ELAPOR1: variants seen among roughly 807,000 people sequenced by gnomAD.
ELAPOR1 encodes endosome/lysosome-associated apoptosis and autophagy regulator 1.
A neutral mutation model predicts 119.7 loss-of-function variants in ELAPOR1; 77 were observed. The ratio of observed to expected loss-of-function variants is 0.64; its 90% confidence interval spans 0.54 to 0.78. The LOEUF (loss-of-function observed/expected upper bound fraction) is 0.78. Among genes scored for constraint, ELAPOR1 ranks in the 30% least tolerant of loss-of-function variants. The probability of loss-of-function intolerance (pLI) is 0.00; values close to 1 mark genes in which losing one functional copy is unlikely to be tolerated. For synonymous variants in ELAPOR1, 481 were observed against 487.2 expected (o/e 0.99, Z 0.17); for missense variants, 1,115 against 1,270.4 (o/e 0.88, Z 1.86).
Position 109,199,967 on chromosome 1 carries a change from T to C in ELAPOR1, c.2615T>C (p.Val872Ala), listed in dbSNP as rs764244875. ...ADYHAIVSSC[V>A]AGIQKTTYVW... ...TACCATGCTATCGTCAGCAGCTGTG[T>C]GGCTGGGATCCAGGTGGGTTTCCCT... Residue 872 changes from valine to alanine, a missense_variant, in exon 19 of 22, where the codon GTG (valine) becomes GCG (alanine). Coordinates refer to ENST00000369939, the MANE Select transcript of ELAPOR1 (RefSeq NM_020775.5). 1 of 1,614,182 alleles carries C rather than the reference T, an allele frequency of 6.2e-7. No homozygotes were observed. Among genetic ancestry groups the C allele is most frequent in the African/African-American group, 1.3e-5 (1 of 75,062 alleles).
Position 109,124,881 on chromosome 1 carries a change from G to T in ELAPOR1, c.153+10545G>T, listed in dbSNP as rs542467429. Among the ~76,000 whole-genome samples the T allele has an allele frequency of 1.6e-4, 25 of 152,244 alleles. 1 individual carries two copies. The highest frequency in any genetic ancestry group is 6.0e-4 in the African/African-American group (25 of 41,552). ...AGGGGTTATTACTTCAGTTGAGGGA[G>T]ATTTTCTGGCTCCTCACTCTACCAC... On this transcript the variant is annotated intron_variant, in intron 1 of 21. Transcript: ENST00000369939.
intron 1 of ELAPOR1, among the ~76,000 whole-genome samples, chr1:109,147,715 G>A (rs994928443): frequency 6.6e-6 from 1 of 151,876 alleles, no homozygotes; most frequent in African/African-American, 2.4e-5. Flanking sequence ...GGGGAGATAT[G>A]GGAGATCTCC....
At chr1:109,156,608 C>G (rs547616386) in intron 1 of ELAPOR1, among the ~76,000 whole-genome samples, 1 of 152,308 alleles carries the variant, frequency 6.6e-6, no homozygotes, top group South Asian at 2.1e-4. Flanking sequence ...GCTTATTTCA[C>G]TTGGCATGAT....
intron 16 of ELAPOR1, 144 bp from the exon 17 acceptor site, chr1:109,197,835 C>A: frequency 3.0e-6 from 3 of 989,424 alleles, no homozygotes; most frequent in East Asian, 2.5e-5. Context: ...GGGACTCTGA[C>A]AAACCCTTGT....
At chr1:109,125,307 G>A (rs781158858) in intron 1 of ELAPOR1, among the ~76,000 whole-genome samples, 57 of 151,992 alleles carry the variant, frequency 3.8e-4, no homozygotes, top group Admixed American at 3.1e-3. Flanking sequence ...CTGACCTCAA[G>A]TGATCCAGCG....
intron 7 of ELAPOR1, among the ~76,000 whole-genome samples, chr1:109,183,590 T>TCCCTCCC (rs1652866889): frequency 1.8e-5 from 2 of 108,318 alleles, no homozygotes; most frequent in African/African-American, 3.8e-5. Context: ...CCTTCCTTCC[T>TCCCTCCC]TCCTTCCTTC....
chr1:109,162,685 A>T (rs1208573670), intron 2 of ELAPOR1, among the ~76,000 whole-genome samples: 1 of 152,226 alleles, frequency 6.6e-6, no homozygotes, highest in Non-Finnish European at 1.5e-5. Flanking sequence ...GTTGGAAAGG[A>T]GTTTGAAGAT....
At chr1:109,186,475 T>A (rs906029094) in intron 8 of ELAPOR1, 2 of 984,758 alleles carry the variant, frequency 2.0e-6, no homozygotes, top group Admixed American at 1.2e-4. Flanking sequence ...TAACTAAGCA[T>A]GGGTTAAAGT....
At chr1:109,175,604 A>T (rs1299979048) in intron 7 of ELAPOR1, among the ~76,000 whole-genome samples, 1 of 150,738 alleles carries the variant, frequency 6.6e-6, no homozygotes, top group Non-Finnish European at 1.5e-5. Context: ...AGGCAGGCAG[A>T]TCACTTGAGG....
chr1:109,146,800 T>C (rs1160362406), intron 1 of ELAPOR1, among the ~76,000 whole-genome samples: 1 of 152,152 alleles, frequency 6.6e-6, no homozygotes, highest in African/African-American at 2.4e-5. Flanking sequence ...AGTGCAGTGG[T>C]GCAATCATAG....
chr1:109,152,854 G>C (rs1650615331), intron 1 of ELAPOR1, among the ~76,000 whole-genome samples: 1 of 150,436 alleles, frequency 6.6e-6, no homozygotes, highest in Non-Finnish European at 1.5e-5. Context: ...GCTGAGGTGA[G>C]AGGATGGCCT....
chr1:109,138,825 A>T (rs1649649395), intron 1 of ELAPOR1, among the ~76,000 whole-genome samples: 1 of 98,418 alleles, frequency 1.0e-5, no homozygotes, highest in South Asian at 3.8e-4. Context: ...CAAGAGTGAA[A>T]CTCCATCTCA....
chr1:109,114,470 G>A, intron 1 of ELAPOR1, 134 bp downstream of exon 1: 1 of 1,039,732 alleles, frequency 9.6e-7, no homozygotes, highest in Non-Finnish European at 1.4e-6. Context: ...GGCGTGGGGG[G>A]AGGGAAGAGG....
chr1:109,127,214 TC>T (rs933692812), intron 1 of ELAPOR1, among the ~76,000 whole-genome samples: 2 of 147,512 alleles, frequency 1.4e-5, no homozygotes, highest in Non-Finnish European at 3.0e-5. Flanking sequence ...TTTTTTCTTT[TC>T]TTTTTTTTTT....
intron 1 of ELAPOR1, among the ~76,000 whole-genome samples, chr1:109,158,115 A>T (rs6702204): frequency 0.4 from 60,797 of 151,762 alleles, 13,496 homozygotes; most frequent in Non-Finnish European, 0.51. Context: ...CTCAAACTCC[A>T]GACCTCAAGT....
intron 7 of ELAPOR1, among the ~76,000 whole-genome samples, chr1:109,182,111 C>T (rs2101085267): frequency 6.6e-6 from 1 of 152,218 alleles, no homozygotes; most frequent in Non-Finnish European, 1.5e-5. Flanking sequence ...GCAGGCAGAT[C>T]ACGAGGTCAG....
chr1:109,186,804 T>G, intron 8 of ELAPOR1: 1 of 985,626 alleles, frequency 1.0e-6, no homozygotes, highest in Non-Finnish European at 1.2e-6. Context: ...CTCCCTGGGC[T>G]CACGCCAAGG....
intron 8 of ELAPOR1, chr1:109,186,983 G>T (rs916210900): frequency 1.0e-6 from 1 of 985,446 alleles, no homozygotes; most frequent in Non-Finnish European, 1.2e-6. Context: ...GCTTTCAGGA[G>T]TGCGCATGAA....
At chr1:109,168,629 G>A (rs1469972007) in intron 3 of ELAPOR1, among the ~76,000 whole-genome samples, 2 of 152,142 alleles carry the variant, frequency 1.3e-5, no homozygotes, top group African/African-American at 4.8e-5. Flanking sequence ...TCATATATTA[G>A]TGGAAAAGAT....
Sources: gnomAD v4.1 joint callset for allele counts (sites outside exome capture counted in the v4.1 genomes callset) on GRCh38, gnomAD v4.1.1 for gene constraint, MANE v1.5 for transcripts, NCBI Gene and HGNC (gene_info 2026-07-23, HGNC 2026-07-21) for gene names.